Variants in GPRIN3 observed in about 807,000 individuals in gnomAD.
GPRIN3 encodes GPRIN family member 3, also known as G protein-regulated inducer of neurite outgrowth 3.
In GPRIN3, 12 loss-of-function variants were observed where a neutral mutation model predicts 13.7. That is an observed-to-expected ratio of 0.87 (90% CI 0.56 to 1.42). GPRIN3 has a LOEUF of 1.42. Among genes scored for constraint, GPRIN3 ranks in the 40% most tolerant of loss-of-function variants. The probability of loss-of-function intolerance (pLI) is 0.00; values close to 1 mark genes in which losing one functional copy is unlikely to be tolerated. For missense variants in GPRIN3, 1,009 were observed against 958.7 expected (o/e 1.05, Z -0.69); for synonymous variants, 377 against 372.7 (o/e 1.01, Z -0.13).
At position 89,241,350 on chromosome 4, in the gene GPRIN3, A is replaced by T. The variant is rs1036269109; in HGVS notation, c.*6430T>A. ...CCTGAATACAGAAATTGGCCTTTAA[A>T]TGGGATACGACAAGTTATTTTTTTT... On this transcript the variant is annotated 3_prime_UTR_variant, in exon 2 of 2. Transcript: ENST00000609438. 4 of 152,154 alleles carry T rather than the reference A, an allele frequency of 2.6e-5. No homozygotes were observed. Among genetic ancestry groups the T allele is most frequent in the African/African-American group, 9.7e-5 (4 of 41,440 alleles). The allele number at this position is 152,154 out of a possible 1,614,324, so 9.4% of individuals were successfully genotyped here.
At chr4:89,287,122 A>C (rs1458057417) in intron 1 of GPRIN3, among the ~76,000 whole-genome samples, 1 of 152,208 alleles carries the variant, frequency 6.6e-6, no homozygotes, top group African/African-American at 2.4e-5. Context: ...CATTGTGCTA[A>C]ATTCTGTGGG....
chr4:89,276,681 T>C (rs1433487887), intron 1 of GPRIN3, among the ~76,000 whole-genome samples: 1 of 152,220 alleles, frequency 6.6e-6, no homozygotes, highest in Non-Finnish European at 1.5e-5. Flanking sequence ...GAGACTATTA[T>C]TCTTGTCAGG....
intron 1 of GPRIN3, among the ~76,000 whole-genome samples, chr4:89,267,545 T>G (rs1040433054): frequency 2.0e-5 from 3 of 152,212 alleles, no homozygotes; most frequent in Non-Finnish European, 4.4e-5. Context: ...ATGATGCATC[T>G]GGTTCAACAG....
rs1039903535 is a variant in GPRIN3, at chr4:89,286,091, G to GTGTATATATATATA, written c.-124+21523_-124+21524insTATATATATATACA. On this transcript the variant is annotated intron_variant, in intron 1 of 1. Coordinates refer to ENST00000609438, the MANE Select transcript of GPRIN3 (RefSeq NM_198281.3). ...TACATGTGTACGTGTATGTGTGTGT[G>GTGTATATATATATA]TATATATATATATATATATATATGT... Among the ~76,000 whole-genome samples the GTGTATATATATATA allele has an allele frequency of 5.0e-4, 73 of 146,716 alleles. No homozygotes were observed. The East Asian group carries it at 6.2e-3, about 12-fold the overall frequency.
intron 1 of GPRIN3, among the ~76,000 whole-genome samples, chr4:89,276,555 A>G (rs990365890): frequency 3.3e-5 from 5 of 152,230 alleles, no homozygotes; most frequent in African/African-American, 1.2e-4. Flanking sequence ...CAGAAAATAC[A>G]GGTAATCTGT....
chr4:89,247,600 T>C lies in GPRIN3; in HGVS notation c.*180A>G, dbSNP rs1397052111. On this transcript the variant is annotated 3_prime_UTR_variant, in exon 2 of 2. Transcript: ENST00000609438. ...TCTTGTTCCTTCTTTCAAATTGAAATGACATTTTTGTTTATAGAGCTCCAG... is the reference window on the plus strand; with the variant it reads ...TCTTGTTCCTTCTTTCAAATTGAAACGACATTTTTGTTTATAGAGCTCCAG... 11 of 525,738 alleles carry C rather than the reference T, an allele frequency of 2.1e-5. No individual in the cohort carries two copies. Among genetic ancestry groups the C allele is most frequent in the Non-Finnish European group, 3.6e-5 (11 of 303,804 alleles). 32.6% of individuals were successfully genotyped at this position (525,738 alleles called of 1,614,324 possible).
At chr4:89,255,687 G>A (rs952128685) in intron 1 of GPRIN3, among the ~76,000 whole-genome samples, 5 of 152,200 alleles carry the variant, frequency 3.3e-5, no homozygotes, top group African/African-American at 1.2e-4. Flanking sequence ...TGACCAAAGC[G>A]ATCAGATGTC....
Position 89,248,148 on chromosome 4 carries a change from G to T in GPRIN3, c.1963C>A (p.Gln655Lys), listed in dbSNP as rs374922838. The T allele has an allele frequency of 6.2e-7, 1 of 1,614,112 alleles. No homozygotes were observed. Among genetic ancestry groups the T allele is most frequent in the East Asian group, 2.2e-5 (1 of 44,870 alleles). Residue 655 changes from glutamine (Q) to lysine (K), a missense_variant, in exon 2 of 2, where the codon CAG (glutamine) becomes AAG (lysine). Coordinates refer to ENST00000609438, the MANE Select transcript of GPRIN3 (RefSeq NM_198281.3). ...QKLNVTAAAA[Q>K]VGLTPGDKKK... ...TTATCTCCTGGAGTGAGTCCTACCT[G>T]AGCAGCAGCTGCTGTCACATTTAAC...
intron 1 of GPRIN3, among the ~76,000 whole-genome samples, chr4:89,279,757 A>G (rs1279419903): frequency 3.9e-5 from 6 of 152,048 alleles, no homozygotes; most frequent in Non-Finnish European, 8.8e-5. Flanking sequence ...TCTTTTCTCT[A>G]CAGAAGTTTC....
rs1241538641 is a variant in GPRIN3 at position 89,247,056 on chromosome 4, T to G, written c.*724A>C. The G allele has an allele frequency of 1.3e-5, 2 of 152,216 alleles. No individual in the cohort carries two copies. Among genetic ancestry groups the G allele is most frequent in the Non-Finnish European group, 2.9e-5 (2 of 68,042 alleles). 9.4% of individuals were successfully genotyped at this position (152,216 alleles called of 1,614,324 possible). ...TGCCTTCAGTGCAGGAAAATGGGTCTATATAAATCCATGTTTAATGTAGGC... is the reference window on the plus strand; with the variant it reads ...TGCCTTCAGTGCAGGAAAATGGGTCGATATAAATCCATGTTTAATGTAGGC... On this transcript the variant is annotated 3_prime_UTR_variant, in exon 2 of 2. Transcript: ENST00000609438.
intron 1 of GPRIN3, among the ~76,000 whole-genome samples, chr4:89,299,379 G>A (rs1369641219): frequency 6.6e-6 from 1 of 152,106 alleles, no homozygotes; most frequent in Non-Finnish European, 1.5e-5. Context: ...AAGTGGGGGT[G>A]GTATGCAGCA....
At chr4:89,295,889 T>A (rs1724717630) in intron 1 of GPRIN3, among the ~76,000 whole-genome samples, 1 of 152,176 alleles carries the variant, frequency 6.6e-6, no homozygotes, top group African/African-American at 2.4e-5. Flanking sequence ...ACTGGTGCAC[T>A]GGTTGAAAAC....
At chr4:89,281,343 C>T (rs1204270035) in intron 1 of GPRIN3, among the ~76,000 whole-genome samples, 11 of 152,230 alleles carry the variant, frequency 7.2e-5, no homozygotes, top group East Asian at 5.8e-4. Flanking sequence ...AGGCTGGTCT[C>T]GAACTCGTGA....
Position 89,257,554 on chromosome 4 carries a change from A to G in GPRIN3, c.-123-7321T>C, listed in dbSNP as rs545690025. Among the ~76,000 whole-genome samples, 15 of 152,334 alleles carry G rather than the reference A, an allele frequency of 9.8e-5. No homozygotes were observed. In the South Asian group the frequency reaches 2.7e-3, roughly 27 times the overall value. On this transcript the variant is annotated intron_variant, in intron 1 of 1. Transcript: ENST00000609438. ...AGAACAGCTCTATAAGGATGGTCTT[A>G]CTATGTGCCCTGCTTTGCAGATCTG...
In GPRIN3 at chr4:89,241,724, A is replaced by C. The variant is rs1189316526; in HGVS notation, c.*6056T>G. On this transcript the variant is annotated 3_prime_UTR_variant, in exon 2 of 2. Transcript: ENST00000609438. Reference sequence around the variant, plus strand: ...ACATTAGGAAAAATAAGTTACGTAAAGATGTGATCTAAAATAAATGTTAAG... The same window carrying C: ...ACATTAGGAAAAATAAGTTACGTAACGATGTGATCTAAAATAAATGTTAAG... 3 of 152,200 alleles carry C rather than the reference A, an allele frequency of 2.0e-5. No individual in the cohort carries two copies. Among genetic ancestry groups the C allele is most frequent in the Admixed American group, 1.3e-4 (2 of 15,282 alleles). 9.4% of individuals were successfully genotyped at this position (152,200 alleles called of 1,614,324 possible).
intron 1 of GPRIN3, among the ~76,000 whole-genome samples, chr4:89,295,280 C>T (rs1438372096): frequency 6.6e-6 from 1 of 152,120 alleles, no homozygotes; most frequent in African/African-American, 2.4e-5. Context: ...TGCATTTTAT[C>T]AATGAAGGGG....
chr4:89,249,836 G>A lies in GPRIN3; in HGVS notation c.275C>T (p.Ala92Val). Residue 92 changes from alanine (A) to valine (V), a missense_variant, in exon 2 of 2, where the codon GCC (alanine) becomes GTC (valine). Ala to Val is a moderately conservative substitution (Grantham distance 64). Transcript: ENST00000609438. Reference protein sequence around the residue: ...GVFNEVQKAPATFNSPGNPQL... With the variant: ...GVFNEVQKAPVTFNSPGNPQL... ...GGGATTGCCGGGAGAGTTGAATGTG[G>A]CAGGTGCTTTCTGCACTTCATTGAA... 1 of 1,614,204 alleles carries A rather than the reference G, an allele frequency of 6.2e-7. No homozygotes were observed. The highest frequency in any genetic ancestry group is 1.1e-5 in the South Asian group (1 of 91,084).
chr4:89,300,925 C>G (rs1724879085), intron 1 of GPRIN3, among the ~76,000 whole-genome samples: 2 of 152,094 alleles, frequency 1.3e-5, no homozygotes, highest in Admixed American at 6.6e-5. Flanking sequence ...TTTTAATTAA[C>G]AATTACAATT....
chr4:89,276,751 A>C (rs1724104498), intron 1 of GPRIN3, among the ~76,000 whole-genome samples: 1 of 152,176 alleles, frequency 6.6e-6, no homozygotes, highest in Non-Finnish European at 1.5e-5. Context: ...ATGGTAGTTC[A>C]AAGTTGATGG....
Sources: gnomAD v4.1 joint callset for allele counts (sites outside exome capture counted in the v4.1 genomes callset) on GRCh38, gnomAD v4.1.1 for gene constraint, MANE v1.5 for transcripts, NCBI Gene and HGNC (gene_info 2026-07-23, HGNC 2026-07-21) for gene names.